GLT8D2: variants seen among roughly 807,000 people sequenced by gnomAD.
The protein encoded by GLT8D2 is glycosyltransferase 8 domain-containing protein 2.
GLT8D2 carries 45 observed loss-of-function variants against 44.5 expected under a neutral mutation model. The observed-to-expected ratio is 1.01, with a 90% CI of 0.80 to 1.30. The LOEUF is 1.30. Among genes scored for constraint, GLT8D2 ranks in the 50% most tolerant of loss-of-function variants. GLT8D2 has a pLI of 0.00. For synonymous variants in GLT8D2, 156 were observed against 157.2 expected (o/e 0.99, Z 0.06); for missense variants, 400 against 430.4 (o/e 0.93, Z 0.62).
At chr12:103,995,719 T>A (rs1873326212) in intron 8 of GLT8D2, among the ~76,000 whole-genome samples, 1 of 152,240 alleles carries the variant, frequency 6.6e-6, no homozygotes, top group Non-Finnish European at 1.5e-5. Flanking sequence ...GTTGAATGAA[T>A]GTTGTACAGG....
At chr12:104,016,396 G>T (rs1384285357) in intron 3 of GLT8D2, among the ~76,000 whole-genome samples, 1 of 152,056 alleles carries the variant, frequency 6.6e-6, no homozygotes, top group Non-Finnish European at 1.5e-5. Context: ...CAGCACTTTG[G>T]GAGGCCAAGG....
At chr12:104,040,715 C>T (rs969235601) in intron 1 of GLT8D2, among the ~76,000 whole-genome samples, 5 of 152,062 alleles carry the variant, frequency 3.3e-5, no homozygotes, top group East Asian at 1.9e-4. Flanking sequence ...TGAGCCACCA[C>T]GCCCAGCCTA....
chr12:104,050,729 A>G (rs1566215345), upstream of GLT8D2, among the ~76,000 whole-genome samples: 1 of 152,140 alleles, frequency 6.6e-6, no homozygotes, highest in Non-Finnish European at 1.5e-5. Flanking sequence ...CCTATTTCCT[A>G]TAAGGATATA....
upstream of GLT8D2, among the ~76,000 whole-genome samples, chr12:104,051,424 A>T (rs571096981): frequency 6.6e-6 from 1 of 152,240 alleles, no homozygotes; most frequent in East Asian, 1.9e-4. Flanking sequence ...TATTAAGAAG[A>T]TGTTTTATGT....
intron 1 of GLT8D2, chr12:104,031,501 A>C (rs1879253631): frequency 6.2e-7 from 1 of 1,613,074 alleles, no homozygotes; most frequent in Admixed American, 1.7e-5. Flanking sequence ...CGGTGCGCAA[A>C]GCCATGGAAG....
intron 3 of GLT8D2, among the ~76,000 whole-genome samples, chr12:104,018,100 G>C (rs760044666): frequency 5.3e-5 from 8 of 151,970 alleles, no homozygotes; most frequent in Non-Finnish European, 8.8e-5. Context: ...CTCCGAAGTA[G>C]CTGGGACTAT....
At chr12:104,059,525 T>C (rs1882448766) in intron 1 of GLT8D2, among the ~76,000 whole-genome samples, 1 of 152,192 alleles carries the variant, frequency 6.6e-6, no homozygotes, top group African/African-American at 2.4e-5. Flanking sequence ...TATATATTAC[T>C]TTTGCTTACA....
At chr12:104,035,231 A>G (rs189332731) in intron 1 of GLT8D2, among the ~76,000 whole-genome samples, 1 of 152,356 alleles carries the variant, frequency 6.6e-6, no homozygotes, top group East Asian at 1.9e-4. Context: ...AGAAAAGCTG[A>G]AAATTCTAAA....
intron 1 of GLT8D2, among the ~76,000 whole-genome samples, chr12:104,041,985 A>T (rs1880614626): frequency 6.6e-6 from 1 of 152,240 alleles, no homozygotes; most frequent in Non-Finnish European, 1.5e-5. Context: ...CAGGACGGGT[A>T]CTACGTTAAT....
chr12:104,012,749 C>T (rs996102404), intron 4 of GLT8D2: 1 of 686,372 alleles, frequency 1.5e-6, no homozygotes, highest in East Asian at 2.7e-5. Flanking sequence ...GATGTCCATG[C>T]ACTTAATTGC....
upstream of GLT8D2, among the ~76,000 whole-genome samples, chr12:104,052,792 C>T (rs1293355878): frequency 1.3e-5 from 2 of 151,696 alleles, no homozygotes; most frequent in Admixed American, 6.6e-5. Flanking sequence ...TATGTAGAGA[C>T]GTGTCTTGCT....
At chr12:104,021,941 A>AGAG (rs1877814456) in intron 1 of GLT8D2, among the ~76,000 whole-genome samples, 2 of 22,180 alleles carry the variant, frequency 9.0e-5, no homozygotes, top group Non-Finnish European at 1.8e-4. Context: ...AAGAAGAAGA[A>AGAG]GAAGAAGAAG....
intron 1 of GLT8D2, among the ~76,000 whole-genome samples, chr12:104,024,023 G>C (rs1463387053): frequency 6.6e-6 from 1 of 152,138 alleles, no homozygotes; most frequent in Non-Finnish European, 1.5e-5. Flanking sequence ...TGTGAATAGA[G>C]GGTAACTACC....
chr12:104,047,592 C>T (rs573461831), intron 1 of GLT8D2, among the ~76,000 whole-genome samples: 6 of 152,224 alleles, frequency 3.9e-5, no homozygotes, highest in East Asian at 1.9e-4. Context: ...AGGTGTGAGC[C>T]GCTGTGCCCA....
chr12:104,022,042 AAGAAGAAGAAGAAGG>A (rs1877942119), intron 1 of GLT8D2, among the ~76,000 whole-genome samples: 2 of 130,936 alleles, frequency 1.5e-5, no homozygotes, highest in Admixed American at 7.4e-5. Flanking sequence ...GAAGAAGAAG[AAGAAGAAGAAGAAGG>A]GAAAGAAAGA....
At chr12:104,038,698 A>G (rs1880197480) in intron 1 of GLT8D2, among the ~76,000 whole-genome samples, 2 of 152,358 alleles carry the variant, frequency 1.3e-5, no homozygotes, top group South Asian at 4.1e-4. Context: ...AAGAATTAAT[A>G]TCGTGAAAAT....
At position 104,017,175 on chromosome 12, in the gene GLT8D2, C is replaced by T. The variant is rs114698988; in HGVS notation, c.20-2070G>A. On this transcript the variant is annotated intron_variant, in intron 3 of 10. Transcript: ENST00000360814. ...GTGCAGGAACACAACAAAAGCTACC[C>T]AGAGTTGAATCACATTCTCCTAATT... Among the ~76,000 whole-genome samples the T allele has an allele frequency of 4.8e-3, 730 of 151,890 alleles. 4 individuals carry two copies. Among genetic ancestry groups the T allele is most frequent in the African/African-American group, 0.017 (709 of 41,416 alleles).
chr12:104,010,936 T>C (rs191617245), intron 4 of GLT8D2, among the ~76,000 whole-genome samples: 33 of 152,208 alleles, frequency 2.2e-4, no homozygotes, highest in Non-Finnish European at 3.8e-4. Context: ...CAGCAGACTG[T>C]GGGAAGCACA....
chr12:104,045,293 C>T (rs1200612461), intron 1 of GLT8D2, among the ~76,000 whole-genome samples: 1 of 152,152 alleles, frequency 6.6e-6, no homozygotes, highest in Non-Finnish European at 1.5e-5. Flanking sequence ...AACAAAGAGC[C>T]CCAGAACTGT....
Sources: allele counts gnomAD v4.1 joint callset (sites outside exome capture counted in the v4.1 genomes callset), GRCh38; gene constraint gnomAD v4.1.1; transcripts MANE v1.5; gene names NCBI Gene and HGNC (gene_info 2026-07-23, HGNC 2026-07-21).